The following KHDRBS2 variants were observed in gnomAD, a reference collection of about 807,000 sequenced individuals.
The protein encoded by KHDRBS2 is KH domain-containing, RNA-binding, signal transduction-associated protein 2.
KHDRBS2 carries 26 observed loss-of-function variants against 44.3 expected under a neutral mutation model. The ratio of observed to expected loss-of-function variants is 0.59; its 90% CI spans 0.43 to 0.81. The LOEUF is 0.81. Among genes scored for constraint, KHDRBS2 ranks in the 40% least tolerant of loss-of-function variants. The pLI is 0.00. For synonymous variants in KHDRBS2, 194 were observed against 151.1 expected, an observed-to-expected ratio of 1.28 and a Z score of -2.08; for missense variants, 476 against 433.1, an observed-to-expected ratio of 1.10 and a Z score of -0.88.
the KHDRBS2 span, among the ~76,000 whole-genome samples, chr6:61,620,383 T>C: frequency 2.0e-5 from 3 of 152,228 alleles, no homozygotes; most frequent in African/African-American, 7.2e-5. Flanking sequence ...GTATCTATTC[T>C]TTCCAAAGTT....
chr6:62,015,905 A>G (rs764521871), intron 3 of KHDRBS2, among the ~76,000 whole-genome samples: 1 of 152,150 alleles, frequency 6.6e-6, no homozygotes, highest in Non-Finnish European at 1.5e-5. Context: ...TCCTGCTCTG[A>G]TAATTTCAAT....
intron 1 of KHDRBS2, among the ~76,000 whole-genome samples, chr6:62,207,090 A>G (rs1267648568): frequency 1.3e-5 from 2 of 152,088 alleles, no homozygotes; most frequent in Non-Finnish European, 2.9e-5. Flanking sequence ...TTAAGTAGCT[A>G]TCCTAGCTGT....
intron 7 of KHDRBS2, 40 bp downstream of exon 7, chr6:61,732,642 A>C: frequency 8.7e-7 from 1 of 1,151,266 alleles, no homozygotes; most frequent in Non-Finnish European, 1.3e-6. Flanking sequence ...TTGATTAGAG[A>C]TAATCCTGAG....
rs80276074 is a variant in KHDRBS2, at chr6:61,869,936, G to A, written c.810+24699C>T. On this transcript the variant is annotated intron_variant, in intron 6 of 8. Coordinates refer to ENST00000281156, the MANE Select transcript of KHDRBS2 (RefSeq NM_152688.4). ...CAAACAAAAAACTGGGCAGCCATTC[G>A]GGTAGACACCGAACTAGCTGCAGGA... Among the ~76,000 whole-genome samples, 1,387 of 151,108 alleles carry A rather than the reference G, an allele frequency of 9.2e-3. 10 individuals are homozygous for A. The highest frequency in any genetic ancestry group is 0.017 in the Middle Eastern group (5 of 290).
At chr6:62,059,929 C>A (rs1791343374) in intron 2 of KHDRBS2, among the ~76,000 whole-genome samples, 1 of 151,802 alleles carries the variant, frequency 6.6e-6, no homozygotes. Context: ...AAATATGTAT[C>A]ATATGACAAT....
the KHDRBS2 span, among the ~76,000 whole-genome samples, chr6:61,667,444 A>G: frequency 6.6e-6 from 1 of 151,314 alleles, no homozygotes; most frequent in East Asian, 1.9e-4. Flanking sequence ...TTAAGACCAG[A>G]AAAGATGGAA....
chr6:62,020,328 C>T (rs1205156975), intron 3 of KHDRBS2, among the ~76,000 whole-genome samples: 2 of 151,940 alleles, frequency 1.3e-5, no homozygotes, highest in Non-Finnish European at 2.9e-5. Context: ...ACACTTCCAT[C>T]CTTATTAATT....
intron 6 of KHDRBS2, among the ~76,000 whole-genome samples, chr6:61,884,349 G>A (rs1179925034): frequency 2.6e-5 from 4 of 152,000 alleles, no homozygotes; most frequent in African/African-American, 9.7e-5. Context: ...TTCTCATGTC[G>A]TGCTGAACTG....
intron 4 of KHDRBS2, among the ~76,000 whole-genome samples, chr6:61,939,960 CTT>C (rs989429915): frequency 6.6e-5 from 10 of 151,372 alleles, no homozygotes; most frequent in African/African-American, 2.2e-4. Flanking sequence ...CCCTTTTTTT[CTT>C]GTTACTTTTT....
At chr6:62,087,431 G>A (rs1165712481) in intron 2 of KHDRBS2, among the ~76,000 whole-genome samples, 1 of 150,692 alleles carries the variant, frequency 6.6e-6, no homozygotes, top group East Asian at 1.9e-4. Context: ...TAATTTAGAA[G>A]ACACAAAAAT....
intron 1 of KHDRBS2, among the ~76,000 whole-genome samples, chr6:62,227,054 T>C (rs1260260006): frequency 6.6e-6 from 1 of 152,220 alleles, no homozygotes; most frequent in African/African-American, 2.4e-5. Flanking sequence ...TCTAATTCTG[T>C]GAAAAATGCC....
At chr6:61,781,751 T>C (rs1782964626) in intron 6 of KHDRBS2, among the ~76,000 whole-genome samples, 2 of 152,230 alleles carry the variant, frequency 1.3e-5, no homozygotes, top group East Asian at 1.9e-4. Context: ...ATCCACTCCT[T>C]CCCTCCCGAA....
the KHDRBS2 span, among the ~76,000 whole-genome samples, chr6:61,544,559 G>A: frequency 6.6e-6 from 1 of 152,106 alleles, no homozygotes; most frequent in Non-Finnish European, 1.5e-5. Context: ...ACTGGGGAAA[G>A]TGGTAGGGAA....
chr6:62,103,747 G>T (rs1163468428), intron 2 of KHDRBS2, among the ~76,000 whole-genome samples: 2 of 152,166 alleles, frequency 1.3e-5, no homozygotes, highest in Non-Finnish European at 2.9e-5. Context: ...CCTTGCAGTG[G>T]CCCCTCCAGG....
At chr6:61,599,595 G>C in the KHDRBS2 span, among the ~76,000 whole-genome samples, 1 of 152,158 alleles carries the variant, frequency 6.6e-6, no homozygotes. Flanking sequence ...TTTATGGAGG[G>C]TTGGCAGTCA....
chr6:61,709,821 A>G (rs1770198647), intron 7 of KHDRBS2, among the ~76,000 whole-genome samples: 2 of 151,690 alleles, frequency 1.3e-5, no homozygotes, highest in African/African-American at 4.8e-5. Flanking sequence ...TTTGAAATGG[A>G]CATAATTTTA....
intron 6 of KHDRBS2, among the ~76,000 whole-genome samples, chr6:61,818,605 A>G (rs1395752400): frequency 6.6e-6 from 1 of 151,962 alleles, no homozygotes; most frequent in Non-Finnish European, 1.5e-5. Flanking sequence ...CGTTCACCAC[A>G]CATTTTTGAC....
At chr6:62,248,890 GA>G (rs1836065512) in intron 1 of KHDRBS2, among the ~76,000 whole-genome samples, 1 of 152,070 alleles carries the variant, frequency 6.6e-6, no homozygotes, top group South Asian at 2.1e-4. Context: ...AACTGTGCTC[GA>G]AAGACAATGA....
chr6:62,230,566 C>T (rs1476155721), intron 1 of KHDRBS2, among the ~76,000 whole-genome samples: 1 of 152,170 alleles, frequency 6.6e-6, no homozygotes, highest in Non-Finnish European at 1.5e-5. Flanking sequence ...TCTGGCTTTG[C>T]TTCTTTAGAG....
Sources: allele counts gnomAD v4.1 joint callset (sites outside exome capture counted in the v4.1 genomes callset), GRCh38; gene constraint gnomAD v4.1.1; transcripts MANE v1.5; gene names NCBI Gene and HGNC (gene_info 2026-07-23, HGNC 2026-07-21).